Variants in CPVL observed in about 807,000 individuals in gnomAD.
The protein encoded by CPVL is carboxypeptidase vitellogenic like.
In CPVL, 51 loss-of-function variants were observed where a neutral mutation model predicts 63.7. The observed-to-expected ratio is 0.80, with a 90% CI of 0.64 to 1.01. CPVL has a LOEUF of 1.01. Among genes scored for constraint, CPVL ranks in the 50% least tolerant of loss-of-function variants. The probability of loss-of-function intolerance (pLI) is 0.00; values close to 1 mark genes in which losing one functional copy is unlikely to be tolerated. For synonymous variants in CPVL, 195 were observed against 206.0 expected (o/e 0.95, Z 0.46); for missense variants, 530 against 573.1 (o/e 0.92, Z 0.77).
At chr7:29,056,527 T>C (rs1439254105) in intron 11 of CPVL, among the ~76,000 whole-genome samples, 1 of 152,232 alleles carries the variant, frequency 6.6e-6, no homozygotes, top group African/African-American at 2.4e-5. Context: ...TAGCTCGTTT[T>C]TTTTAGCACT....
At chr7:29,115,831 G>A (rs1275510919) in intron 2 of CPVL, among the ~76,000 whole-genome samples, 3 of 152,104 alleles carry the variant, frequency 2.0e-5, no homozygotes, top group Non-Finnish European at 4.4e-5. Context: ...CAGAGGAAAG[G>A]ATGATTCAAT....
At chr7:29,084,818 T>C (rs1462094277) in intron 7 of CPVL, among the ~76,000 whole-genome samples, 1 of 152,206 alleles carries the variant, frequency 6.6e-6, no homozygotes, top group Admixed American at 6.5e-5. Context: ...AATTTAAGGA[T>C]AAAAATCATT....
At chr7:29,063,968 A>G in intron 11 of CPVL, 93 bp downstream of exon 11, 1 of 545,062 alleles carries the variant, frequency 1.8e-6, no homozygotes, top group Middle Eastern at 5.9e-4. Flanking sequence ...ATAAAAGTTA[A>G]AAAAAAAAAA....
Position 29,026,782 on chromosome 7 carries a change from T to C in CPVL, c.1320+3795A>G, listed in dbSNP as rs565274400. On this transcript the variant is annotated intron_variant, in intron 12 of 12. Transcript: ENST00000265394. ...CCTGGACATATACAGCCTACCAAGA[T>C]TGAACCAGGAAGATATAGAAAACTT... Among the ~76,000 whole-genome samples the C allele has an allele frequency of 5.9e-5, 9 of 152,108 alleles. No homozygotes were observed. The South Asian group carries it at 8.3e-4, about 14-fold the overall frequency.
chr7:29,100,867 T>C (rs539325473), intron 3 of CPVL, among the ~76,000 whole-genome samples: 38 of 152,320 alleles, frequency 2.5e-4, no homozygotes, highest in African/African-American at 8.4e-4. Flanking sequence ...TGAACTAATG[T>C]CACCCTTATC....
Position 29,096,162 on chromosome 7 carries a change from G to T in CPVL, c.344C>A (p.Ser115Ter), listed in dbSNP as rs766835862. ...TTCCACAAAGAGTCCAAACATGGAT[G>T]AACCTCCCGGCCCACCCTGTAGCCA... ...VLWLQGGPGG[S>*]SMFGLFVEHG... is the part of the protein sequence containing the mutation. Residue 115 changes from serine (S) to a stop codon, truncating the protein, a stop_gained, in exon 4 of 13, where the codon TCA (serine) becomes TAA (stop). Coordinates refer to ENST00000265394, the MANE Select transcript of CPVL (RefSeq NM_031311.5). LOFTEE classifies it high-confidence loss of function. 2 of 1,614,180 alleles carry T rather than the reference G, an allele frequency of 1.2e-6. No homozygotes were observed. The highest frequency in any genetic ancestry group is 1.7e-6 in the Non-Finnish European group (2 of 1,180,024).
At chr7:29,028,406 G>A (rs1347321270) in intron 12 of CPVL, among the ~76,000 whole-genome samples, 1 of 152,106 alleles carries the variant, frequency 6.6e-6, no homozygotes, top group Non-Finnish European at 1.5e-5. Context: ...GAAAACAGGG[G>A]AAACACTTTA....
chr7:29,163,495 T>C (rs1358040855), intron 5 of CPVL, among the ~76,000 whole-genome samples: 1 of 152,182 alleles, frequency 6.6e-6, no homozygotes. Context: ...TTGACACATA[T>C]GTTAATGGGC....
chr7:29,135,683 ATTTATT>A (rs1791141375), intron 1 of CPVL, among the ~76,000 whole-genome samples: 1 of 151,844 alleles, frequency 6.6e-6, no homozygotes, highest in South Asian at 2.1e-4. Flanking sequence ...AGAGTTATTT[ATTTATT>A]TTTATTTATT....
At chr7:29,144,871 A>C (rs968902182) in intron 1 of CPVL, among the ~76,000 whole-genome samples, 1 of 152,178 alleles carries the variant, frequency 6.6e-6, no homozygotes, top group Admixed American at 6.6e-5. Flanking sequence ...GTCAAAACCC[A>C]CCTATTTCTC....
intron 11 of CPVL, among the ~76,000 whole-genome samples, chr7:29,034,314 C>T (rs895953478): frequency 6.6e-6 from 1 of 152,096 alleles, no homozygotes; most frequent in Non-Finnish European, 1.5e-5. Flanking sequence ...GCCATGTTGC[C>T]CAGGCTGGTC....
At chr7:29,022,335 G>A (rs1787079229) in intron 12 of CPVL, among the ~76,000 whole-genome samples, 2 of 152,130 alleles carry the variant, frequency 1.3e-5, no homozygotes, top group African/African-American at 2.4e-5. Context: ...GGAACCAGGA[G>A]GCCGACCTAC....
chr7:29,136,294 A>T (rs245862), intron 1 of CPVL, among the ~76,000 whole-genome samples: 21 of 152,144 alleles, frequency 1.4e-4, no homozygotes, highest in African/African-American at 2.4e-5. Context: ...TCCAAAGAGG[A>T]AATTTTTAAG....
chr7:28,999,566 C>CA (rs1784405917), intron 12 of CPVL, among the ~76,000 whole-genome samples: 1 of 152,196 alleles, frequency 6.6e-6, no homozygotes, highest in South Asian at 2.1e-4. Flanking sequence ...GGTATTTACT[C>CA]ACGCACATGC....
intron 12 of CPVL, among the ~76,000 whole-genome samples, chr7:28,998,815 T>C (rs1201889055): frequency 6.6e-6 from 1 of 150,396 alleles, no homozygotes; most frequent in African/African-American, 2.5e-5. Context: ...TATAAATGAA[T>C]ATATATGTAT....
intron 11 of CPVL, among the ~76,000 whole-genome samples, chr7:29,049,748 T>C (rs926377418): frequency 2.0e-5 from 3 of 152,144 alleles, no homozygotes; most frequent in Non-Finnish European, 4.4e-5. Flanking sequence ...CTGATGAACA[T>C]AGACACTAAA....
chr7:29,046,111 G>T (rs1789583721), intron 11 of CPVL, among the ~76,000 whole-genome samples: 2 of 144,220 alleles, frequency 1.4e-5, no homozygotes, highest in Admixed American at 6.9e-5. Context: ...TTGAGATGGA[G>T]TCTTGTTCTG....
intron 1 of CPVL, among the ~76,000 whole-genome samples, chr7:29,136,560 A>C (rs561722230): frequency 1.3e-5 from 2 of 152,284 alleles, no homozygotes; most frequent in East Asian, 1.9e-4. Flanking sequence ...AAAACCAATA[A>C]ATCAAGAAAC....
intron 5 of CPVL, among the ~76,000 whole-genome samples, chr7:29,173,412 T>C (rs974429793): frequency 3.3e-5 from 5 of 152,084 alleles, no homozygotes; most frequent in Admixed American, 2.6e-4. Context: ...TGAGGATTTC[T>C]GCTCCTGCTT....
Sources: gnomAD v4.1 joint callset for allele counts (sites outside exome capture counted in the v4.1 genomes callset) on GRCh38, gnomAD v4.1.1 for gene constraint, MANE v1.5 for transcripts, NCBI Gene and HGNC (gene_info 2026-07-23, HGNC 2026-07-21) for gene names.